LRRK1: variants seen among roughly 807,000 people sequenced by gnomAD.
The protein encoded by LRRK1 is leucine rich repeat kinase 1, also known as leucine-rich repeat serine/threonine-protein kinase 1.
Under a neutral mutation model 209.1 loss-of-function variants are expected in LRRK1, and 113 were observed. The ratio of observed to expected loss-of-function variants is 0.54; its 90% CI spans 0.46 to 0.63. LRRK1 has a LOEUF of 0.63. Among genes scored for constraint, LRRK1 ranks in the 30% least tolerant of loss-of-function variants. The pLI is 0.00. For synonymous variants in LRRK1, 1,144 were observed against 1,099.7 expected (o/e 1.04, Z -0.80); for missense variants, 2,284 against 2,632.2 (o/e 0.87, Z 2.89).
intron 31 of LRRK1, among the ~76,000 whole-genome samples, chr15:101,063,984 A>T (rs1358607494): frequency 6.6e-6 from 1 of 152,240 alleles, no homozygotes; most frequent in East Asian, 1.9e-4. Context: ...CACCTCCTGC[A>T]CGACCAGAGG....
chr15:100,920,585 A>G (rs1243987000), intron 1 of LRRK1, among the ~76,000 whole-genome samples: 1 of 152,118 alleles, frequency 6.6e-6, no homozygotes. Flanking sequence ...ATCCTCAGAT[A>G]AAAAACATTC....
At chr15:100,994,513 T>C (rs1012563278) in intron 6 of LRRK1, among the ~76,000 whole-genome samples, 2 of 152,236 alleles carry the variant, frequency 1.3e-5, no homozygotes, top group Admixed American at 6.5e-5. Flanking sequence ...ATCTTCTACC[T>C]GTGATCTTTT....
chr15:101,029,218 C>T lies in LRRK1; in HGVS notation c.2949C>T (p.Pro983=), dbSNP rs374874498. 75 of 1,611,814 alleles carry T rather than the reference C, an allele frequency of 4.7e-5. No homozygotes were observed. The African/African-American group carries it at 8.5e-4, about 18-fold the overall frequency. The change falls in exon 20 of 34, where the codon CCC becomes CCT. Residue 983 remains proline (P), a synonymous_variant. Transcript: ENST00000388948. ...TGGCCAAGTTTGAGATCGCCCTGCC[C>T]GTCGCCAATGACAGGTGAGGACACA... ...QFLAKFEIAL[P]VANDSYLLPH...
In LRRK1 at chr15:101,021,239, C is replaced by G. The variant is rs150492911; in HGVS notation, c.1739+57C>G. On this transcript the variant is annotated intron_variant, in intron 13 of 33. Coordinates refer to ENST00000388948, the MANE Select transcript of LRRK1 (RefSeq NM_024652.6). ...TCTGCTGGCCCAGAGAGGCAGAACGCCCATCCCTAAACCAACTGGGACACA... is the reference window on the plus strand; with the variant it reads ...TCTGCTGGCCCAGAGAGGCAGAACGGCCATCCCTAAACCAACTGGGACACA... 6.9e-6 allele frequency: 11 copies of G among 1,597,096 alleles called. No homozygotes were observed. The African/African-American group carries it at 1.2e-4, about 18-fold the overall frequency.
intron 22 of LRRK1, 38 bp downstream of exon 22, chr15:101,048,695 G>A (rs1185523089): frequency 6.8e-7 from 1 of 1,473,908 alleles, no homozygotes; most frequent in Non-Finnish European, 9.0e-7. Flanking sequence ...AGGTCAGCAG[G>A]TGCCACAGCA....
chr15:101,043,447 A>G (rs568971370), intron 20 of LRRK1, among the ~76,000 whole-genome samples: 1 of 46,106 alleles, frequency 2.2e-5, no homozygotes, highest in African/African-American at 7.0e-5. Context: ...GAGAACGTTC[A>G]GAGTAAGGCA....
chr15:101,046,801 C>T (rs768054196), intron 21 of LRRK1, among the ~76,000 whole-genome samples: 2 of 152,230 alleles, frequency 1.3e-5, no homozygotes, highest in East Asian at 1.9e-4. Context: ...GGAGACCCCC[C>T]GCCCAAGGAG....
chr15:101,026,169 T>C lies in LRRK1; in HGVS notation c.2405+32T>C, dbSNP rs768497406. The stretch of plus-strand genomic sequence containing the variant: ...GCCCAGCCTCGGGCAGCTCCTGCCT[T>C]CTTGTGGGTGCCAGTCGCTGATCTT... On this transcript the variant is annotated intron_variant, in intron 17 of 33. Transcript: ENST00000388948. 2.5e-6 allele frequency: 4 copies of C among 1,602,282 alleles called. No homozygotes were observed. The African/African-American group carries it at 5.4e-5, about 21-fold the overall frequency.
intron 2 of LRRK1, among the ~76,000 whole-genome samples, chr15:100,949,227 A>T (rs1359009215): frequency 1.3e-5 from 2 of 152,146 alleles, no homozygotes; most frequent in East Asian, 3.8e-4. Context: ...ATAAAAAAAG[A>T]TTATAGGAAA....
At position 101,051,799 on chromosome 15, in the gene LRRK1, G is replaced by A. The variant is rs201580059; in HGVS notation, c.3528G>A (p.Thr1176=). Residue 1176 remains threonine, a synonymous_variant, in exon 24 of 34, where the codon ACG becomes ACA. Coordinates refer to ENST00000388948, the MANE Select transcript of LRRK1 (RefSeq NM_024652.6). ...GCGAGACAGCCTGGGCCCAGCACACGGACCCCAGTGAGAAATCAGAGGATG... is the reference window on the plus strand; with the variant it reads ...GCGAGACAGCCTGGGCCCAGCACACAGACCCCAGTGAGAAATCAGAGGATG... The part of the protein sequence containing the change: ...PVCETAWAQH[T]DPSEKSEDVQ... The A allele has an allele frequency of 1.5e-3, 2,470 of 1,614,102 alleles. 2 individuals carry two copies. Among genetic ancestry groups the A allele is most frequent in the South Asian group, 5.2e-3 (478 of 91,086 alleles).
intron 2 of LRRK1, among the ~76,000 whole-genome samples, chr15:100,932,443 T>C (rs995198548): frequency 1.3e-5 from 2 of 152,250 alleles, no homozygotes; most frequent in African/African-American, 4.8e-5. Context: ...ACATCTGGTG[T>C]GAATCCAACC....
intron 6 of LRRK1, among the ~76,000 whole-genome samples, chr15:101,005,506 T>C (rs1039414699): frequency 1.3e-5 from 2 of 152,216 alleles, no homozygotes; most frequent in Non-Finnish European, 2.9e-5. Context: ...AACACACTCA[T>C]GTTAAATACA....
chr15:100,984,163 G>T (rs2031747077), intron 4 of LRRK1, among the ~76,000 whole-genome samples: 1 of 152,118 alleles, frequency 6.6e-6, no homozygotes, highest in Non-Finnish European at 1.5e-5. Context: ...CAGGAGGCAG[G>T]TGCTATATTT....
rs1200186227 is a variant in LRRK1, at chr15:101,026,026, A to C, written c.2294A>C (p.Lys765Thr). 2 of 1,614,260 alleles carry C rather than the reference A, an allele frequency of 1.2e-6. No individual in the cohort carries two copies. The highest frequency in any genetic ancestry group is 1.3e-5 in the African/African-American group (1 of 75,078). Residue 765 changes from lysine to threonine, a missense_variant, in exon 17 of 34, where the codon AAG (lysine) becomes ACG (threonine). Transcript: ENST00000388948. ...ACGCACCTGGATTTAATTGAAGCCA[A>C]GTTCCGTGTGGAAAGGATTGCAACG... ...VGTHLDLIEA[K>T]FRVERIATLR...
Position 101,022,958 on chromosome 15 carries a change from G to A in LRRK1, c.2067+361G>A, listed in dbSNP as rs1345903810. Among the ~76,000 whole-genome samples, 1 of 151,810 alleles carries A rather than the reference G, an allele frequency of 6.6e-6. No homozygotes were observed. Among genetic ancestry groups the A allele is most frequent in the South Asian group, 2.1e-4 (1 of 4,816 alleles). The stretch of plus-strand genomic sequence containing the variant: ...CTCTGGGACAGTGGTTCTTAACCCC[G>A]GCTGTCTGTTAGATTCCCTTGAGGG... On this transcript the variant is annotated intron_variant, in intron 15 of 33. Coordinates refer to ENST00000388948, the MANE Select transcript of LRRK1 (RefSeq NM_024652.6). This position sits in a 1 kb window ranked among gnomAD's most constrained non-coding sequence, Gnocchi z 4.0.
intron 2 of LRRK1, among the ~76,000 whole-genome samples, chr15:100,941,570 G>A (rs1465735870): frequency 4.0e-5 from 6 of 150,706 alleles, no homozygotes; most frequent in Non-Finnish European, 5.9e-5. Context: ...GAGGAGTTTC[G>A]TGCTTCTCTT....
In LRRK1 at chr15:101,000,826, G is replaced by A. The variant is rs112936692; in HGVS notation, c.763-8011G>A. ...CTGTTTTTAATTAAAGTCACATTCCGCAGTACGGGGCGTTAGGACTTCAGC... is the reference window on the plus strand; with the variant it reads ...CTGTTTTTAATTAAAGTCACATTCCACAGTACGGGGCGTTAGGACTTCAGC... On this transcript the variant is annotated intron_variant, in intron 6 of 33. Coordinates refer to ENST00000388948, the MANE Select transcript of LRRK1 (RefSeq NM_024652.6). Among the ~76,000 whole-genome samples, 1,493 of 152,222 alleles carry A rather than the reference G, an allele frequency of 9.8e-3. 30 individuals are homozygous for A. Among genetic ancestry groups the A allele is most frequent in the African/African-American group, 0.034 (1,429 of 41,528 alleles).
At chr15:101,052,096 A>T (rs1329487954) in intron 24 of LRRK1, 136 bp downstream of exon 24, 2 of 1,001,334 alleles carry the variant, frequency 2.0e-6, no homozygotes, top group African/African-American at 1.6e-5. Context: ...CACCAATCTC[A>T]GTACCTTTTA....
chr15:101,013,131 CCTT>C (rs1021393901), intron 10 of LRRK1, among the ~76,000 whole-genome samples: 4 of 152,128 alleles, frequency 2.6e-5, no homozygotes, highest in African/African-American at 9.7e-5. Flanking sequence ...CTCGAGGTCT[CCTT>C]CTCCACACTG....
Sources: gnomAD v4.1 joint callset for allele counts (sites outside exome capture counted in the v4.1 genomes callset) on GRCh38, gnomAD v4.1.1 for gene constraint, Gnocchi (gnomAD v3.1) non-coding constraint, MANE v1.5 for transcripts, NCBI Gene and HGNC (gene_info 2026-07-23, HGNC 2026-07-21) for gene names.